The following NKAIN2 variants were observed in gnomAD, a reference collection of about 807,000 sequenced individuals.
The protein encoded by NKAIN2 is sodium/potassium transporting ATPase interacting 2.
In NKAIN2, 14 loss-of-function variants were observed where a neutral mutation model predicts 32.6. The observed-to-expected ratio is 0.43, with a 90% CI of 0.28 to 0.67. The LOEUF is 0.67. Ranked by LOEUF, NKAIN2 falls within the 30% of genes least tolerant of loss-of-function variation. The pLI, the probability that NKAIN2 is intolerant of heterozygous loss-of-function variation, is 0.17. For missense variants in NKAIN2, 198 were observed against 258.3 expected (o/e 0.77, Z 1.60); for synonymous variants, 80 against 87.2 (o/e 0.92, Z 0.46).
At chr6:124,012,271 A>G (rs1780369807) in intron 1 of NKAIN2, among the ~76,000 whole-genome samples, 1 of 150,570 alleles carries the variant, frequency 6.6e-6, no homozygotes, top group Admixed American at 6.6e-5. Flanking sequence ...ATTGATTCCC[A>G]TTCTAGGATT....
At chr6:124,025,648 ATTG>A (rs1781075708) in intron 1 of NKAIN2, among the ~76,000 whole-genome samples, 1 of 152,138 alleles carries the variant, frequency 6.6e-6, no homozygotes, top group African/African-American at 2.4e-5. Context: ...ATAATAGTGT[ATTG>A]TATACTTGAA....
intron 1 of NKAIN2, among the ~76,000 whole-genome samples, chr6:124,202,613 C>T (rs1323395936): frequency 6.6e-6 from 1 of 151,776 alleles, no homozygotes; most frequent in Non-Finnish European, 1.5e-5. Flanking sequence ...TACTTATTGC[C>T]TATTAAAAAT....
chr6:124,404,676 C>A (rs770866619), intron 3 of NKAIN2, among the ~76,000 whole-genome samples: 6 of 151,722 alleles, frequency 4.0e-5, no homozygotes, highest in South Asian at 2.1e-4. Flanking sequence ...TCTCAAAACA[C>A]TTATTTTTTG....
At chr6:124,812,414 C>T (rs1432554901) in intron 5 of NKAIN2, among the ~76,000 whole-genome samples, 1 of 152,116 alleles carries the variant, frequency 6.6e-6, no homozygotes, top group Non-Finnish European at 1.5e-5. Flanking sequence ...GTGAGCCAGA[C>T]ACTGTTCTGG....
intron 4 of NKAIN2, among the ~76,000 whole-genome samples, chr6:124,788,517 G>A (rs1779603548): frequency 6.6e-6 from 1 of 152,054 alleles, no homozygotes; most frequent in Admixed American, 6.6e-5. Flanking sequence ...GAGGCCTCAG[G>A]AAATTTACAA....
At chr6:124,156,919 A>G (rs906625421) in intron 1 of NKAIN2, among the ~76,000 whole-genome samples, 4 of 151,834 alleles carry the variant, frequency 2.6e-5, no homozygotes, top group African/African-American at 9.7e-5. Flanking sequence ...CCTGGCCAAC[A>G]TGGTAAAACC....
intron 1 of NKAIN2, among the ~76,000 whole-genome samples, chr6:124,116,725 C>A (rs761006539): frequency 1.3e-5 from 2 of 151,918 alleles, no homozygotes; most frequent in Non-Finnish European, 2.9e-5. Context: ...TCAAAACATC[C>A]GGTAACTTGT....
At chr6:124,762,915 T>G (rs1778339298) in intron 4 of NKAIN2, among the ~76,000 whole-genome samples, 1 of 152,134 alleles carries the variant, frequency 6.6e-6, no homozygotes, top group Non-Finnish European at 1.5e-5. Context: ...TCTGAGGAAT[T>G]TGGATTTTAT....
chr6:124,420,008 G>A (rs1339159758), intron 3 of NKAIN2, among the ~76,000 whole-genome samples: 2 of 152,028 alleles, frequency 1.3e-5, no homozygotes, highest in African/African-American at 4.8e-5. Flanking sequence ...GGGAGGAGAG[G>A]AACTGATTAA....
At chr6:124,633,092 A>ATACCAAATATAGTGATTT (rs1783632095) in intron 3 of NKAIN2, among the ~76,000 whole-genome samples, 1 of 152,164 alleles carries the variant, frequency 6.6e-6, no homozygotes, top group African/African-American at 2.4e-5. Context: ...ATTCTGCAAA[A>ATACCAAATATAGTGATTT]TACCAAATAT....
chr6:124,714,245 A>G (rs1457556053), intron 4 of NKAIN2, among the ~76,000 whole-genome samples: 2 of 152,248 alleles, frequency 1.3e-5, no homozygotes, highest in African/African-American at 2.4e-5. Context: ...TTCAAAACAG[A>G]CGAGCATTAT....
At chr6:124,113,040 T>A (rs1043364720) in intron 1 of NKAIN2, among the ~76,000 whole-genome samples, 2 of 152,146 alleles carry the variant, frequency 1.3e-5, no homozygotes, top group Non-Finnish European at 2.9e-5. Context: ...AAGTTTATCT[T>A]GTTCCTTTTT....
At chr6:124,653,444 C>CAAAAAAAAAAA (rs35842873) in intron 3 of NKAIN2, among the ~76,000 whole-genome samples, 1 of 79,722 alleles carries the variant, frequency 1.3e-5, no homozygotes, top group Non-Finnish European at 2.4e-5. Flanking sequence ...CATCCACATG[C>CAAAAAAAAAAA]AAAAAAAAAA....
At chr6:124,729,514 C>T (rs545050664) in intron 4 of NKAIN2, among the ~76,000 whole-genome samples, 1 of 151,420 alleles carries the variant, frequency 6.6e-6, no homozygotes, top group Non-Finnish European at 1.5e-5. Context: ...AACAACCCTT[C>T]ATGCTAAAAA....
chr6:124,395,628 A>G (rs1773345755), intron 3 of NKAIN2, among the ~76,000 whole-genome samples: 2 of 152,184 alleles, frequency 1.3e-5, no homozygotes, highest in Admixed American at 6.5e-5. Flanking sequence ...AGTTAGAGGA[A>G]TGTAATATTA....
At chr6:124,159,629 A>G (rs2114440777) in intron 1 of NKAIN2, among the ~76,000 whole-genome samples, 1 of 152,306 alleles carries the variant, frequency 6.6e-6, no homozygotes, top group South Asian at 2.1e-4. Context: ...TTGCATTACT[A>G]TAAAGACAAA....
At chr6:124,064,117 A>AT (rs980561330) in intron 1 of NKAIN2, among the ~76,000 whole-genome samples, 1 of 151,874 alleles carries the variant, frequency 6.6e-6, no homozygotes, top group East Asian at 1.9e-4. Context: ...TGCCCGGCTA[A>AT]TTTTTTATAT....
chr6:124,734,092 C>CACAA (rs764273059), intron 4 of NKAIN2, among the ~76,000 whole-genome samples: 2 of 145,176 alleles, frequency 1.4e-5, no homozygotes, highest in Non-Finnish European at 3.0e-5. Flanking sequence ...CACACACACA[C>CACAA]AATGATGGGG....
At chr6:124,163,787 C>T (rs561992515) in intron 1 of NKAIN2, among the ~76,000 whole-genome samples, 111 of 152,078 alleles carry the variant, frequency 7.3e-4, no homozygotes, top group African/African-American at 2.6e-3. Flanking sequence ...AGATTAAAGA[C>T]AGCTGTGATC....
Sources: gnomAD v4.1 joint callset for allele counts (sites outside exome capture counted in the v4.1 genomes callset) on GRCh38, gnomAD v4.1.1 for gene constraint, MANE v1.5 for transcripts, NCBI Gene and HGNC (gene_info 2026-07-23, HGNC 2026-07-21) for gene names.